Variants in PEBP4 observed in about 807,000 individuals in gnomAD.
PEBP4 encodes phosphatidylethanolamine binding protein 4.
PEBP4 carries 22 observed loss-of-function variants against 23.9 expected under a neutral mutation model. That is an observed-to-expected ratio of 0.92 (90% CI 0.66 to 1.31). The LOEUF (loss-of-function observed/expected upper bound fraction) is 1.31. Among genes scored for constraint, PEBP4 ranks in the 40% most tolerant of loss-of-function variants. The pLI, the probability that PEBP4 is intolerant of heterozygous loss-of-function variation, is 0.00. For synonymous variants in PEBP4, 112 were observed against 99.3 expected (o/e 1.13, Z -0.76); for missense variants, 324 against 281.7 (o/e 1.15, Z -1.07).
intron 3 of PEBP4, among the ~76,000 whole-genome samples, chr8:22,852,600 G>T (rs1807571615): frequency 6.6e-6 from 1 of 151,966 alleles, no homozygotes; most frequent in South Asian, 2.1e-4. Flanking sequence ...ACACAAACTT[G>T]GTTCCAACGG....
At chr8:22,716,682 T>C (rs7846021) in intron 6 of PEBP4, among the ~76,000 whole-genome samples, 48,534 of 152,178 alleles carry the variant, frequency 0.32, 7,929 homozygotes, top group Admixed American at 0.42. Flanking sequence ...GACGGCTCCA[T>C]TGGGCCAGTT....
chr8:22,851,002 C>G (rs904615165), intron 3 of PEBP4, among the ~76,000 whole-genome samples: 2 of 152,190 alleles, frequency 1.3e-5, no homozygotes, highest in Non-Finnish European at 2.9e-5. Flanking sequence ...TAGGAAACAG[C>G]ATTTGGGCAA....
At chr8:22,806,324 C>T (rs755574364) in intron 4 of PEBP4, among the ~76,000 whole-genome samples, 5 of 152,138 alleles carry the variant, frequency 3.3e-5, no homozygotes, top group Non-Finnish European at 5.9e-5. Flanking sequence ...CATAAAGATA[C>T]TGAACAAGGT....
Position 22,795,161 on chromosome 8 carries a change from ATATTTTTTTTTTTTT to A in PEBP4, c.357+22461_357+22475del, listed in dbSNP as rs1222738162. Among the ~76,000 whole-genome samples the A allele has an allele frequency of 3.1e-4, 8 of 25,826 alleles. No homozygotes were observed. The South Asian group carries it at 8.2e-3, about 26-fold the overall frequency. The allele number at this position is 25,826 out of a possible 152,430, so 16.9% of individuals were successfully genotyped here. A position where few individuals can be genotyped will look rare whatever the true frequency, so the allele number is the denominator to read the frequency against. On this transcript the variant is annotated intron_variant, in intron 4 of 6. Coordinates refer to ENST00000256404, the MANE Select transcript of PEBP4 (RefSeq NM_144962.3). ...TGTGTGTGTATATATATATATATAT[ATATTTTTTTTTTTTT>A]TTTTTTTTTTTTTTTTTGAGATGGA... is the stretch of plus-strand genomic sequence containing the variant.
At chr8:22,788,542 G>A (rs985478877) in intron 4 of PEBP4, among the ~76,000 whole-genome samples, 8 of 152,268 alleles carry the variant, frequency 5.3e-5, no homozygotes, top group African/African-American at 1.9e-4. Flanking sequence ...GAGTACCCAG[G>A]ACAAATACCT....
At chr8:22,818,056 C>A (rs1806782955) in intron 3 of PEBP4, among the ~76,000 whole-genome samples, 1 of 152,234 alleles carries the variant, frequency 6.6e-6, no homozygotes, top group South Asian at 2.1e-4. Flanking sequence ...AAACCTAAAA[C>A]AGGTCTCTGG....
chr8:22,860,214 A>ATATGTATATATATATACACATATATG (rs1563240382), intron 3 of PEBP4, among the ~76,000 whole-genome samples: 1 of 144,910 alleles, frequency 6.9e-6, no homozygotes, highest in Non-Finnish European at 1.5e-5. Context: ...ATACACATAT[A>ATATGTATATATATATACACATATATG]TGTATATATA....
chr8:22,760,702 T>G (rs1352924891), intron 4 of PEBP4, among the ~76,000 whole-genome samples: 2 of 152,134 alleles, frequency 1.3e-5, no homozygotes, highest in Non-Finnish European at 2.9e-5. Context: ...TACTACTTAG[T>G]AAGCGTCTTC....
At chr8:22,869,894 C>T (rs2128770236) in intron 3 of PEBP4, among the ~76,000 whole-genome samples, 1 of 152,306 alleles carries the variant, frequency 6.6e-6, no homozygotes, top group Non-Finnish European at 1.5e-5. Context: ...AAATCCAGAA[C>T]ACTGACAACA....
chr8:22,835,060 T>C (rs1337632865), intron 3 of PEBP4, among the ~76,000 whole-genome samples: 5 of 152,194 alleles, frequency 3.3e-5, no homozygotes, highest in African/African-American at 4.8e-5. Context: ...AAAGGCGACC[T>C]AACGTTGTGA....
intron 2 of PEBP4, chr8:22,924,743 G>A: frequency 1.0e-6 from 1 of 985,380 alleles, no homozygotes; most frequent in Non-Finnish European, 1.2e-6. Context: ...TTCACCTCCT[G>A]GCTGCAGGTT....
intron 4 of PEBP4, among the ~76,000 whole-genome samples, chr8:22,784,445 A>T (rs1252175658): frequency 6.6e-6 from 1 of 152,168 alleles, no homozygotes; most frequent in African/African-American, 2.4e-5. Flanking sequence ...GATTTGAAGG[A>T]AACTGAGGCA....
intron 1 of PEBP4, among the ~76,000 whole-genome samples, chr8:22,940,490 C>CTTTTAT (rs1554499134): frequency 9.1e-6 from 1 of 110,054 alleles, no homozygotes; most frequent in South Asian, 2.8e-4. Flanking sequence ...ATGAATTTCT[C>CTTTTAT]TTTTTTTTTT....
chr8:22,843,859 G>A (rs929661392), intron 3 of PEBP4, among the ~76,000 whole-genome samples: 11 of 152,146 alleles, frequency 7.2e-5, no homozygotes, highest in Non-Finnish European at 1.2e-4. Context: ...GGAGTGAGGC[G>A]ATGCCCCTCC....
At chr8:22,902,315 G>A (rs545548807) in intron 3 of PEBP4, among the ~76,000 whole-genome samples, 1 of 152,246 alleles carries the variant, frequency 6.6e-6, no homozygotes, top group East Asian at 1.9e-4. Flanking sequence ...GATGACAAGA[G>A]TGAAACTCCG....
chr8:22,916,775 A>T (rs1018528516), intron 3 of PEBP4, among the ~76,000 whole-genome samples: 1 of 152,264 alleles, frequency 6.6e-6, no homozygotes, highest in African/African-American at 2.4e-5. Flanking sequence ...ACTCAAAGAA[A>T]GACAACACAT....
chr8:22,820,771 G>C (rs1357084742), intron 3 of PEBP4, among the ~76,000 whole-genome samples: 9 of 152,128 alleles, frequency 5.9e-5, no homozygotes, highest in Non-Finnish European at 1.3e-4. Flanking sequence ...AAAAGAAATA[G>C]TGGGTGACAA....
intron 4 of PEBP4, among the ~76,000 whole-genome samples, chr8:22,787,577 C>T (rs2128756290): frequency 6.6e-6 from 1 of 152,290 alleles, no homozygotes; most frequent in East Asian, 1.9e-4. Flanking sequence ...GAGGAGTTAT[C>T]CTCTAAGGCT....
At chr8:22,856,047 C>CAA (rs34409506) in intron 3 of PEBP4, among the ~76,000 whole-genome samples, 4,813 of 91,088 alleles carry the variant, frequency 0.053, 232 homozygotes, top group African/African-American at 0.092. Context: ...GACCCTGTCT[C>CAA]AAAAAAAAAA....
Sources: gnomAD v4.1 joint callset for allele counts (sites outside exome capture counted in the v4.1 genomes callset) on GRCh38, gnomAD v4.1.1 for gene constraint, MANE v1.5 for transcripts, NCBI Gene and HGNC (gene_info 2026-07-23, HGNC 2026-07-21) for gene names.